RYR2: variants seen among roughly 807,000 people sequenced by gnomAD.
RYR2 encodes ryanodine receptor 2.
Under a neutral mutation model 601.1 loss-of-function variants are expected in RYR2, and 227 were observed. That is an observed-to-expected ratio of 0.38 (90% CI 0.34 to 0.42). The LOEUF (loss-of-function observed/expected upper bound fraction) is 0.42. Ranked by LOEUF, RYR2 falls within the 10% of genes least tolerant of loss-of-function variation. The probability of loss-of-function intolerance (pLI) is 1.00; values close to 1 mark genes in which losing one functional copy is unlikely to be tolerated. For missense variants in RYR2, 4,646 were observed against 6,156.5 expected (o/e 0.75, Z 8.21); for synonymous variants, 2,223 against 2,175.1 (o/e 1.02, Z -0.61).
intron 24 of RYR2, among the ~76,000 whole-genome samples, chr1:237,527,039 C>T (rs1037090017): frequency 6.6e-6 from 1 of 152,140 alleles, no homozygotes; most frequent in African/African-American, 2.4e-5. Flanking sequence ...TTTTTTCCAG[C>T]ACCATTTATT....
At chr1:237,495,395 G>GT (rs1414281713) in intron 19 of RYR2, among the ~76,000 whole-genome samples, 1 of 152,116 alleles carries the variant, frequency 6.6e-6, no homozygotes, top group Admixed American at 6.5e-5. Flanking sequence ...GATACAGCTG[G>GT]TTTTTTTCTT....
rs186595978 is a variant in RYR2, at chr1:237,367,739, T to G, written c.310-1795T>G. 1.5e-3 allele frequency among the ~76,000 whole-genome samples: 223 copies of G among 152,316 alleles called. 1 individual carries two copies. The highest frequency in any genetic ancestry group is 5.0e-3 in the African/African-American group (206 of 41,570). ...TTATAATTCCTGTGAAGTTTTTCTGTGCAACCCAACACTAAAATTCCATGA... is the reference window on the plus strand; with the variant it reads ...TTATAATTCCTGTGAAGTTTTTCTGGGCAACCCAACACTAAAATTCCATGA... On this transcript the variant is annotated intron_variant, in intron 5 of 104. Coordinates refer to ENST00000366574, the MANE Select transcript of RYR2 (RefSeq NM_001035.3).
Position 237,726,283 on chromosome 1 carries a change from G to A in RYR2, c.10700G>A (p.Arg3567His), listed in dbSNP as rs577371071. 2.6e-5 allele frequency: 42 copies of A among 1,586,224 alleles called. No individual in the cohort carries two copies. The African/African-American group carries it at 2.7e-4, about 10-fold the overall frequency. The change falls in exon 75 of 105, where the codon CGT becomes CAT. Residue 3567 changes from arginine (R) to histidine (H), a missense_variant. Physicochemically the swap from Arg to His is conservative, Grantham distance 29. This residue lies in a region of RYR2 where 1,497 missense variants were observed against 1,842.6 expected (regional missense o/e 0.81). Coordinates refer to ENST00000366574, the MANE Select transcript of RYR2 (RefSeq NM_001035.3). Reference sequence around the variant, plus strand: ...TTTTATTTCTTTCAGAAGTCTAAACGTGTGGGTCGGAGACATTACTGTCTG... The same window carrying A: ...TTTTATTTCTTTCAGAAGTCTAAACATGTGGGTCGGAGACATTACTGTCTG... ...VLFHLEQKSK[R>H]VGRRHYCLVE... is the part of the protein sequence containing the mutation.
intron 1 of RYR2, among the ~76,000 whole-genome samples, chr1:237,200,968 A>G (rs1681126695): frequency 6.6e-6 from 1 of 152,224 alleles, no homozygotes; most frequent in South Asian, 2.1e-4. Context: ...TGACTCCATC[A>G]GTGTGTCAGT....
At chr1:237,476,816 T>A (rs995998199) in intron 17 of RYR2, among the ~76,000 whole-genome samples, 3 of 152,228 alleles carry the variant, frequency 2.0e-5, no homozygotes, top group East Asian at 1.9e-4. Context: ...ATATTTATTG[T>A]CTGAGATCCA....
chr1:237,622,496 CAT>C (rs1314136668), intron 38 of RYR2, among the ~76,000 whole-genome samples: 36 of 152,192 alleles, frequency 2.4e-4, no homozygotes, highest in South Asian at 2.1e-4. Context: ...GTGTATGAAA[CAT>C]AGATGAATTT....
chr1:237,163,414 T>C, intron 1 of RYR2, among the ~76,000 whole-genome samples: 1 of 134,854 alleles, frequency 7.4e-6, no homozygotes. Context: ...GGAGGTATGC[T>C]TGAGTACCCT....
intron 14 of RYR2, among the ~76,000 whole-genome samples, chr1:237,447,416 A>G (rs1460553617): frequency 6.6e-6 from 1 of 152,202 alleles, no homozygotes; most frequent in Non-Finnish European, 1.5e-5. Flanking sequence ...ACCAAGTATG[A>G]GAAATTTGGA....
intron 22 of RYR2, among the ~76,000 whole-genome samples, chr1:237,505,180 C>T (rs1665088501): frequency 6.6e-6 from 1 of 152,130 alleles, no homozygotes; most frequent in East Asian, 1.9e-4. Context: ...GTATGTTTGT[C>T]ATAGTTAATA....
At position 237,503,300 on chromosome 1, in the gene RYR2, T is replaced by G. The variant is rs1289583017; in HGVS notation, c.2408T>G (p.Leu803Arg). The change falls in exon 22 of 105, where the codon CTG becomes CGG. Residue 803 changes from leucine to arginine, a missense_variant. Physicochemically the swap from Leu to Arg is moderately radical, Grantham distance 102. Coordinates refer to ENST00000366574, the MANE Select transcript of RYR2 (RefSeq NM_001035.3). ...SFSAGIKVRF[L>R]LGGRHGEFKF... ...TGCATCCTCTTTAGAGTACGCTTTC[T>G]GCTTGGAGGGCGACATGGAGAATTC... The G allele has an allele frequency of 6.2e-7, 1 of 1,608,102 alleles. No individual in the cohort carries two copies. Among genetic ancestry groups the G allele is most frequent in the Non-Finnish European group, 8.5e-7 (1 of 1,176,840 alleles).
At chr1:237,352,877 A>C (rs772893832) in intron 3 of RYR2, 1 of 515,296 alleles carries the variant, frequency 1.9e-6, no homozygotes, top group African/African-American at 1.9e-5. Flanking sequence ...AGGGTGGGTG[A>C]GGAGACAACT....
intron 38 of RYR2, among the ~76,000 whole-genome samples, chr1:237,618,309 A>G (rs1315690419): frequency 2.6e-5 from 4 of 152,168 alleles, no homozygotes; most frequent in Non-Finnish European, 5.9e-5. Context: ...TAACTCTGTT[A>G]AACTACTGTT....
chr1:237,565,480 C>T (rs2100970), intron 27 of RYR2, among the ~76,000 whole-genome samples: 79,752 of 151,308 alleles, frequency 0.53, 22,910 homozygotes, highest in South Asian at 0.65. Flanking sequence ...GTTGCCCGGG[C>T]GCGATCCTCC....
chr1:237,085,028 G>T (rs539242264), intron 1 of RYR2, among the ~76,000 whole-genome samples: 111 of 152,226 alleles, frequency 7.3e-4, no homozygotes, highest in Admixed American at 2.5e-3. Flanking sequence ...TTAAAAGTAG[G>T]TTATTTCATT....
At chr1:237,056,346 CCTGCACCTGTGAGGACTGGAGCA>C (rs1662050648) in intron 1 of RYR2, among the ~76,000 whole-genome samples, 28 of 56,318 alleles carry the variant, frequency 5.0e-4, no homozygotes, top group South Asian at 1.2e-3. Context: ...GGACTGGAGC[CCTGCACCTGTGAGGACTGGAGCA>C]CTGCACCTGT....
At chr1:237,282,088 A>T (rs1478965480) in intron 2 of RYR2, among the ~76,000 whole-genome samples, 1 of 152,166 alleles carries the variant, frequency 6.6e-6, no homozygotes. Flanking sequence ...TAAAGTATAT[A>T]CTGCAGAAAG....
intron 17 of RYR2, among the ~76,000 whole-genome samples, chr1:237,481,801 C>A (rs1662124469): frequency 8.7e-6 from 1 of 115,132 alleles, no homozygotes; most frequent in African/African-American, 3.6e-5. Context: ...CTCACCATTG[C>A]TGTGTAGCAA....
Position 237,833,686 on chromosome 1 carries a change from T to G in RYR2, c.*1039T>G, listed in dbSNP as rs1047341803. The stretch of plus-strand genomic sequence containing the variant: ...GTAGTTTTGGGTTTTGCTCATTCTT[T>G]CAGCCACCTGTGATCAGTTTTGTTG... On this transcript the variant is annotated 3_prime_UTR_variant, in exon 105 of 105. Transcript: ENST00000366574. The G allele has an allele frequency of 6.5e-6, 1 of 152,754 alleles. No individual in the cohort carries two copies. Among genetic ancestry groups the G allele is most frequent in the East Asian group, 1.9e-4 (1 of 5,174 alleles). The allele number at this position is 152,754 out of a possible 1,614,324, so 9.5% of individuals were successfully genotyped here. A position where few individuals can be genotyped will look rare whatever the true frequency, so the allele number is the denominator to read the frequency against.
chr1:237,373,316 CA>C (rs1700786131), intron 6 of RYR2, among the ~76,000 whole-genome samples: 1 of 152,144 alleles, frequency 6.6e-6, no homozygotes. Flanking sequence ...TCAGAATCTG[CA>C]GGTCAATTTG....
Sources: gnomAD v4.1 joint callset for allele counts (sites outside exome capture counted in the v4.1 genomes callset) on GRCh38, gnomAD v4.1.1 for gene constraint, gnomAD v4.1.1 regional missense constraint, MANE v1.5 for transcripts, NCBI Gene and HGNC (gene_info 2026-07-23, HGNC 2026-07-21) for gene names.